Variants in NAALADL2 observed in about 807,000 individuals in gnomAD.
The protein encoded by NAALADL2 is N-acetylated alpha-linked acidic dipeptidase like 2.
Under a neutral mutation model 87.2 loss-of-function variants are expected in NAALADL2, and 76 were observed. The ratio of observed to expected loss-of-function variants is 0.87; its 90% CI spans 0.72 to 1.05. The LOEUF is 1.05. Among genes scored for constraint, NAALADL2 ranks in the 50% least tolerant of loss-of-function variants. The pLI, the probability that NAALADL2 is intolerant of heterozygous loss-of-function variation, is 0.00. For missense variants in NAALADL2, 1,089 were observed against 945.8 expected, an observed-to-expected ratio of 1.15 and a Z score of -1.99; for synonymous variants, 354 against 331.0, an observed-to-expected ratio of 1.07 and a Z score of -0.75.
intron 5 of NAALADL2, among the ~76,000 whole-genome samples, chr3:175,375,055 T>G (rs181942295): frequency 5.0e-4 from 76 of 152,262 alleles, no homozygotes; most frequent in Non-Finnish European, 9.6e-4. Flanking sequence ...TTCTTATTGA[T>G]TTACCTTGGC....
At chr3:175,327,764 GT>G (rs1760914655) in intron 5 of NAALADL2, among the ~76,000 whole-genome samples, 2 of 152,144 alleles carry the variant, frequency 1.3e-5, no homozygotes, top group African/African-American at 4.8e-5. Context: ...AGTAAGGTTT[GT>G]TATGTAGTTC....
chr3:175,546,485 G>C (rs1020470849), intron 9 of NAALADL2, among the ~76,000 whole-genome samples: 11 of 152,066 alleles, frequency 7.2e-5, no homozygotes, highest in Admixed American at 6.6e-5. Flanking sequence ...GATGTCATTG[G>C]TCTGTGTACT....
At position 175,088,548 on chromosome 3, in the gene NAALADL2, A is replaced by G. The variant is rs1261909937; in HGVS notation, c.44-8242A>G. Among the ~76,000 whole-genome samples, 3 of 152,238 alleles carry G rather than the reference A, an allele frequency of 2.0e-5. No homozygotes were observed. In the East Asian group the frequency reaches 5.8e-4, roughly 29 times the overall value. ...TGTTATGATTTTAGGAAACAGAGGA[A>G]TATAAGTTTAGAATAAAGCACTTCT... On this transcript the variant is annotated intron_variant, in intron 1 of 13. Coordinates refer to ENST00000454872, the MANE Select transcript of NAALADL2 (RefSeq NM_207015.3).
intron 9 of NAALADL2, among the ~76,000 whole-genome samples, chr3:175,505,348 C>T (rs1730160800): frequency 6.6e-6 from 1 of 152,020 alleles, no homozygotes; most frequent in Non-Finnish European, 1.5e-5. Flanking sequence ...TCCACAGCCC[C>T]AACTACCATC....
intron 11 of NAALADL2, among the ~76,000 whole-genome samples, chr3:175,643,041 A>G (rs150881051): frequency 8.7e-4 from 132 of 152,324 alleles, no homozygotes; most frequent in African/African-American, 3.1e-3. Flanking sequence ...AAAGAGTCAC[A>G]ATATTCGTTT....
chr3:175,134,382 T>A (rs1728754183), intron 2 of NAALADL2, among the ~76,000 whole-genome samples: 1 of 152,192 alleles, frequency 6.6e-6, no homozygotes, highest in Non-Finnish European at 1.5e-5. Flanking sequence ...CTAGTTGACA[T>A]AATCCATACA....
At chr3:175,457,226 T>C (rs1722446668) in intron 6 of NAALADL2, among the ~76,000 whole-genome samples, 2 of 152,062 alleles carry the variant, frequency 1.3e-5, no homozygotes, top group Admixed American at 1.3e-4. Flanking sequence ...TTCCTTACTC[T>C]ACTCAGGCTC....
chr3:174,853,364 G>A (rs1489719294), intron 3 of NAALADL2, among the ~76,000 whole-genome samples: 21 of 130,510 alleles, frequency 1.6e-4, no homozygotes, highest in Non-Finnish European at 2.8e-4. Flanking sequence ...GCAACAGAGC[G>A]AGACTCAATC....
intron 6 of NAALADL2, among the ~76,000 whole-genome samples, chr3:175,462,048 C>CA (rs1219596097): frequency 1.1e-4 from 16 of 152,040 alleles, no homozygotes; most frequent in African/African-American, 3.9e-4. Context: ...TATGCATTGT[C>CA]AAAGCCCATT....
chr3:174,933,307 G>C (rs1199566188), intron 1 of NAALADL2, among the ~76,000 whole-genome samples: 1 of 152,134 alleles, frequency 6.6e-6, no homozygotes, highest in East Asian at 1.9e-4. Flanking sequence ...ATATTTTCCT[G>C]TTCAGATTCT....
At chr3:175,476,282 A>G (rs1725687800) in intron 9 of NAALADL2, among the ~76,000 whole-genome samples, 1 of 152,156 alleles carries the variant, frequency 6.6e-6, no homozygotes, top group African/African-American at 2.4e-5. Flanking sequence ...AAGAGAACCC[A>G]AGCTGTGCAC....
At chr3:175,497,588 C>T (rs1245929689) in intron 9 of NAALADL2, among the ~76,000 whole-genome samples, 9 of 152,128 alleles carry the variant, frequency 5.9e-5, no homozygotes, top group East Asian at 3.9e-4. Flanking sequence ...ATGGTTGGAA[C>T]GAATGACTGA....
chr3:174,947,936 T>A (rs990501143), intron 1 of NAALADL2, among the ~76,000 whole-genome samples: 3 of 152,150 alleles, frequency 2.0e-5, no homozygotes, highest in Non-Finnish European at 2.9e-5. Flanking sequence ...TTAATTTTGC[T>A]GTATACCTAC....
intron 2 of NAALADL2, among the ~76,000 whole-genome samples, chr3:174,574,062 A>G (rs1715242269): frequency 6.6e-6 from 1 of 152,182 alleles, no homozygotes; most frequent in African/African-American, 2.4e-5. Context: ...TAAAGAATGT[A>G]TATTCACCTG....
intron 1 of NAALADL2, among the ~76,000 whole-genome samples, chr3:175,077,729 G>A (rs542634480): frequency 6.6e-6 from 1 of 152,114 alleles, no homozygotes; most frequent in East Asian, 1.9e-4. Context: ...AAAATTGCTT[G>A]TGGTTCTGAT....
chr3:174,805,573 A>G (rs1719373476), intron 3 of NAALADL2, among the ~76,000 whole-genome samples: 1 of 152,186 alleles, frequency 6.6e-6, no homozygotes, highest in South Asian at 2.1e-4. Context: ...TTCAGGAATT[A>G]ATATAGATTA....
intron 11 of NAALADL2, among the ~76,000 whole-genome samples, chr3:175,648,466 A>G (rs906155258): frequency 3.3e-5 from 5 of 151,634 alleles, no homozygotes; most frequent in Non-Finnish European, 7.4e-5. Flanking sequence ...GATTCAAGTG[A>G]AGCATTTTGA....
At chr3:175,145,821 C>T (rs537267987) in intron 2 of NAALADL2, among the ~76,000 whole-genome samples, 1 of 152,186 alleles carries the variant, frequency 6.6e-6, no homozygotes, top group South Asian at 2.1e-4. Flanking sequence ...AAAAGATATT[C>T]TAAAACAAGT....
chr3:175,678,115 G>A (rs1211222992), intron 11 of NAALADL2, among the ~76,000 whole-genome samples: 1 of 152,084 alleles, frequency 6.6e-6, no homozygotes, highest in Non-Finnish European at 1.5e-5. Context: ...TCATGTCAGA[G>A]GTTAAGTTTT....
Sources: gnomAD v4.1 joint callset for allele counts (sites outside exome capture counted in the v4.1 genomes callset) on GRCh38, gnomAD v4.1.1 for gene constraint, MANE v1.5 for transcripts, NCBI Gene and HGNC (gene_info 2026-07-23, HGNC 2026-07-21) for gene names.